Variants in GSE1 observed in about 807,000 individuals in gnomAD.
GSE1 encodes genetic suppressor element 1.
A neutral mutation model predicts 112.6 loss-of-function variants in GSE1; 32 were observed. That is an observed-to-expected ratio of 0.28 (90% CI 0.21 to 0.38). The LOEUF is 0.38. GSE1 is among the 10% of genes least tolerant of loss of function. GSE1 has a pLI of 1.00. For synonymous variants in GSE1, 1,115 were observed against 735.6 expected, an observed-to-expected ratio of 1.52 and a Z score of -8.35; for missense variants, 2,348 against 1,699.2, an observed-to-expected ratio of 1.38 and a Z score of -6.71.
intron 2 of GSE1, among the ~76,000 whole-genome samples, chr16:85,493,518 C>G (rs1408194139): frequency 2.0e-5 from 3 of 152,026 alleles, no homozygotes; most frequent in African/African-American, 7.2e-5. Flanking sequence ...CTTTGGGAGG[C>G]CGAGGCAGGC....
intron 1 of GSE1, among the ~76,000 whole-genome samples, chr16:85,574,496 G>A (rs1443840739): frequency 6.6e-6 from 1 of 152,236 alleles, no homozygotes; most frequent in Non-Finnish European, 1.5e-5. Context: ...ACTCTGCGAA[G>A]TTGTCCCTTC....
chr16:85,657,432 C>T lies in GSE1; in HGVS notation c.1468C>T (p.Arg490Cys), dbSNP rs748454893. The change falls in exon 8 of 16, where the codon CGC becomes TGC. Residue 490 changes from arginine (R) to cysteine (C), a missense_variant. Transcript: ENST00000253458. Reference sequence around the variant, plus strand: ...TGCTGCCACAGCCCTGCTGATCCAGCGCACCAATGAGGAGGAGAAGTGGCT... The same window carrying T: ...TGCTGCCACAGCCCTGCTGATCCAGTGCACCAATGAGGAGGAGAAGTGGCT... ...SSAATALLIQ[R>C]TNEEEKWLAR... The T allele has an allele frequency of 1.1e-5, 18 of 1,612,652 alleles. No individual in the cohort carries two copies. The highest frequency in any genetic ancestry group is 5.3e-5 in the African/African-American group (4 of 75,066).
intron 1 of GSE1, among the ~76,000 whole-genome samples, chr16:85,575,030 G>A (rs569324533): frequency 3.9e-5 from 6 of 152,236 alleles, no homozygotes; most frequent in Admixed American, 1.3e-4. Flanking sequence ...GCTGGGGAGC[G>A]GCTCCCCGCT....
Position 85,675,642 on chromosome 16 carries a change from A to T in GSE1, c.*3103A>T, listed in dbSNP as rs1464412080. ...GAATGGTATTTTCCTCAAGTAGCTC[A>T]TAATACTGCCAAATCTCAAAAGTTA... On this transcript the variant is annotated 3_prime_UTR_variant, in exon 16 of 16. Transcript: ENST00000253458. The T allele has an allele frequency of 6.6e-6, 1 of 152,236 alleles. No individual in the cohort carries two copies. Among genetic ancestry groups the T allele is most frequent in the Non-Finnish European group, 1.5e-5 (1 of 68,038 alleles). The allele number at this position is 152,236 out of a possible 1,614,324, so 9.4% of individuals were successfully genotyped here.
chr16:85,204,156 T>C (rs1252535989), intron 1 of GSE1, among the ~76,000 whole-genome samples: 2 of 152,352 alleles, frequency 1.3e-5, no homozygotes, highest in East Asian at 1.9e-4. Context: ...TCTCCAGCGA[T>C]TGTGAATCTC....
intron 2 of GSE1, among the ~76,000 whole-genome samples, chr16:85,640,681 C>G (rs910258904): frequency 6.6e-6 from 1 of 152,246 alleles, no homozygotes; most frequent in Non-Finnish European, 1.5e-5. Context: ...CCGGCCTGGG[C>G]GGGGGAGAGG....
In GSE1 at chr16:85,414,155, G is replaced by A. The variant is rs111400662; in HGVS notation, c.2464+56512G>A. Among the ~76,000 whole-genome samples the A allele has an allele frequency of 3.8e-3, 577 of 152,264 alleles. 5 individuals carry two copies. Among genetic ancestry groups the A allele is most frequent in the African/African-American group, 0.013 (525 of 41,554 alleles). On this transcript the variant is annotated intron_variant, in intron 2 of 2. Transcript: ENST00000637419. Reference sequence around the variant, plus strand: ...AGCTGGCACTCCCCCATGGGCCCACGCTCCCCTTCCATGCCACAGGTCTAT... The same window carrying A: ...AGCTGGCACTCCCCCATGGGCCCACACTCCCCTTCCATGCCACAGGTCTAT...
chr16:85,504,167 C>A (rs991897567), intron 2 of GSE1, among the ~76,000 whole-genome samples: 1 of 152,210 alleles, frequency 6.6e-6, no homozygotes, highest in African/African-American at 2.4e-5. Context: ...GAACAGGTAC[C>A]CCGCTCAGCA....
chr16:85,250,311 G>A (rs1221554968), intron 1 of GSE1, among the ~76,000 whole-genome samples: 3 of 152,210 alleles, frequency 2.0e-5, no homozygotes, highest in African/African-American at 4.8e-5. Context: ...CCCTGTTTGC[G>A]CCAGCAGTGC....
At chr16:85,332,645 C>T (rs1175915824) in intron 1 of GSE1, among the ~76,000 whole-genome samples, 2 of 152,186 alleles carry the variant, frequency 1.3e-5, no homozygotes, top group Admixed American at 6.5e-5. Context: ...TCCTTCTCCC[C>T]TGGCTTCCTT....
chr16:85,336,903 C>T (rs148294485), intron 1 of GSE1, among the ~76,000 whole-genome samples: 139 of 152,384 alleles, frequency 9.1e-4, no homozygotes, highest in African/African-American at 2.9e-3. Context: ...CACACACGTT[C>T]GTGTACACGC....
chr16:85,443,763 G>A (rs938237610), intron 2 of GSE1, among the ~76,000 whole-genome samples: 1 of 152,174 alleles, frequency 6.6e-6, no homozygotes, highest in Admixed American at 6.5e-5. Flanking sequence ...GGACCTCGGA[G>A]CCGGATAGCC....
chr16:85,313,710 G>A (rs564694674), intron 1 of GSE1, among the ~76,000 whole-genome samples: 7 of 152,336 alleles, frequency 4.6e-5, no homozygotes, highest in South Asian at 2.1e-4. Flanking sequence ...AAGGAAGCCC[G>A]CGGAGAGCTG....
rs1306790533 is a variant in GSE1, at chr16:85,206,978, G to C, written c.2283+35171G>C. Reference sequence around the variant, plus strand: ...TTTACAGCCTCCGGCGGCAGTTCTTGGCTCCAGCGGTCCGGCGGGCTGGCC... The same window carrying C: ...TTTACAGCCTCCGGCGGCAGTTCTTCGCTCCAGCGGTCCGGCGGGCTGGCC... On this transcript the variant is annotated intron_variant, in intron 1 of 2. Coordinates refer to the GSE1 transcript ENST00000637419. Among the ~76,000 whole-genome samples, 6 of 152,164 alleles carry C rather than the reference G, an allele frequency of 3.9e-5. No homozygotes were observed. In the South Asian group the frequency reaches 8.3e-4, roughly 21 times the overall value.
chr16:85,337,147 C>G (rs553142820), intron 1 of GSE1, among the ~76,000 whole-genome samples: 57 of 152,354 alleles, frequency 3.7e-4, no homozygotes, highest in African/African-American at 1.1e-3. Flanking sequence ...TCACCCGCCA[C>G]TGTGTCCCCC....
chr16:85,378,139 T>A (rs1019160042), intron 2 of GSE1, among the ~76,000 whole-genome samples: 5 of 151,912 alleles, frequency 3.3e-5, no homozygotes, highest in African/African-American at 1.2e-4. Context: ...CCTGGGCCAG[T>A]GGGGGCCAGC....
chr16:85,213,688 T>C, intron 1 of GSE1, among the ~76,000 whole-genome samples: 1 of 152,224 alleles, frequency 6.6e-6, no homozygotes, highest in South Asian at 2.1e-4. Flanking sequence ...GCCCAGAGTC[T>C]AGAGCCTGGA....
intron 2 of GSE1, among the ~76,000 whole-genome samples, chr16:85,428,535 C>T (rs1237628463): frequency 6.6e-6 from 1 of 152,242 alleles, no homozygotes; most frequent in Non-Finnish European, 1.5e-5. Flanking sequence ...GGAACCAGCA[C>T]TGCTAGCAGT....
At chr16:85,502,261 C>A (rs1027865509) in intron 2 of GSE1, among the ~76,000 whole-genome samples, 1 of 152,128 alleles carries the variant, frequency 6.6e-6, no homozygotes, top group Non-Finnish European at 1.5e-5. Context: ...GACCTAGGTG[C>A]GCACAGTGGA....
Sources: allele counts gnomAD v4.1 joint callset (sites outside exome capture counted in the v4.1 genomes callset), GRCh38; gene constraint gnomAD v4.1.1; transcripts MANE v1.5; gene names NCBI Gene and HGNC (gene_info 2026-07-23, HGNC 2026-07-21).